Variants in ANKRD44 observed in about 807,000 individuals in gnomAD.
ANKRD44 encodes the protein ankyrin repeat domain 44, also known as serine/threonine-protein phosphatase 6 regulatory ankyrin repeat subunit B.
ANKRD44 carries 35 observed loss-of-function variants against 116.0 expected under a neutral mutation model. The observed-to-expected ratio is 0.30, with a 90% CI of 0.23 to 0.40. ANKRD44 has a LOEUF of 0.40. ANKRD44 is among the 10% of genes least tolerant of loss of function. The pLI is 1.00. For synonymous variants in ANKRD44, 435 were observed against 461.8 expected, an observed-to-expected ratio of 0.94 and a Z score of 0.74; for missense variants, 1,014 against 1,242.6, an observed-to-expected ratio of 0.82 and a Z score of 2.77.
Position 197,207,795 on chromosome 2 carries a change from T to C in ANKRD44, c.28-20689A>G, listed in dbSNP as rs564397041. The stretch of plus-strand genomic sequence containing the variant: ...ATCATGCCCCATATGGGTTGAATAA[T>C]CCCAACCTTAACATTTGGCAACTCA... On this transcript the variant is annotated intron_variant, in intron 1 of 27. Coordinates refer to ENST00000282272, the MANE Select transcript of ANKRD44 (RefSeq NM_001195144.2). Among the ~76,000 whole-genome samples the C allele has an allele frequency of 8.5e-5, 13 of 152,194 alleles. No homozygotes were observed. In the East Asian group the frequency reaches 2.3e-3, roughly 27 times the overall value.
rs551616978 is a variant in ANKRD44 at position 197,147,263 on chromosome 2, A to C, written c.112-158T>G. Among the ~76,000 whole-genome samples, 34 of 152,142 alleles carry C rather than the reference A, an allele frequency of 2.2e-4. 1 individual carries two copies. Among genetic ancestry groups the C allele is most frequent in the Admixed American group, 1.6e-3 (24 of 15,278 alleles). On this transcript the variant is annotated intron_variant, in intron 2 of 27. Transcript: ENST00000282272. ...AACTTCTGGTTATGCATTTTCTCTCAACATACCCTATAGTTACACATAACA... is the reference window on the plus strand; with the variant it reads ...AACTTCTGGTTATGCATTTTCTCTCCACATACCCTATAGTTACACATAACA...
intron 2 of ANKRD44, among the ~76,000 whole-genome samples, chr2:197,163,874 C>T (rs1160509123): frequency 6.6e-6 from 1 of 152,160 alleles, no homozygotes; most frequent in African/African-American, 2.4e-5. Context: ...GTAATCCGCC[C>T]GCCTCGGCCC....
Sources: allele counts gnomAD v4.1 joint callset (sites outside exome capture counted in the v4.1 genomes callset), GRCh38; gene constraint gnomAD v4.1.1; transcripts MANE v1.5; gene names NCBI Gene and HGNC (gene_info 2026-07-23, HGNC 2026-07-21).